Variants in CPLANE1 observed in about 807,000 individuals in gnomAD.
CPLANE1 encodes the protein ciliogenesis and planar polarity effector 1.
CPLANE1 carries 263 observed loss-of-function variants against 362.5 expected under a neutral mutation model. The observed-to-expected ratio is 0.73, with a 90% CI of 0.66 to 0.80. The LOEUF (loss-of-function observed/expected upper bound fraction) is 0.80, where lower values mean the gene tolerates loss of function less well. Among genes scored for constraint, CPLANE1 ranks in the 30% least tolerant of loss-of-function variants. The probability of loss-of-function intolerance (pLI) is 0.00; values close to 1 mark genes in which losing one functional copy is unlikely to be tolerated. For synonymous variants in CPLANE1, 1,212 were observed against 1,302.6 expected (o/e 0.93, Z 1.50); for missense variants, 3,461 against 3,793.4 (o/e 0.91, Z 2.30).
At chr5:37,170,970 T>TA (rs1264056628) in intron 32 of CPLANE1, among the ~76,000 whole-genome samples, 1 of 152,064 alleles carries the variant, frequency 6.6e-6, no homozygotes, top group Non-Finnish European at 1.5e-5. Context: ...AGAATAAGTA[T>TA]ATTTTGGACA....
chr5:37,142,425 T>C lies in CPLANE1; in HGVS notation c.8517A>G (p.Ser2839=). 1 of 1,609,414 alleles carries C rather than the reference T, an allele frequency of 6.2e-7. No homozygotes were observed. Among genetic ancestry groups the C allele is most frequent in the Non-Finnish European group, 8.5e-7 (1 of 1,178,152 alleles). ...TTTCTGTTATTGAAAATTCAGGTTC[T>C]GAAGTCTCCTTTTTGTCACTTTGAT... ...EEDQSDKKET[S]EPEFSITENY... Residue 2839 remains serine, a synonymous_variant, in exon 44 of 53, where the codon TCA becomes TCG. Coordinates refer to ENST00000651892, the MANE Select transcript of CPLANE1 (RefSeq NM_001384732.1).
At chr5:37,185,483 A>G (rs576745272) in intron 24 of CPLANE1, among the ~76,000 whole-genome samples, 27 of 152,292 alleles carry the variant, frequency 1.8e-4, no homozygotes, top group African/African-American at 5.8e-4. Flanking sequence ...AAAATCAAGG[A>G]CATTTTTCTT....
chr5:37,184,096 T>C (rs1232696720), intron 25 of CPLANE1, among the ~76,000 whole-genome samples: 2 of 152,200 alleles, frequency 1.3e-5, no homozygotes, highest in Non-Finnish European at 2.9e-5. Context: ...GGATTTCTTG[T>C]TTCTCTCTTG....
chr5:37,086,403 G>A, the CPLANE1 span, among the ~76,000 whole-genome samples: 1 of 152,192 alleles, frequency 6.6e-6, no homozygotes, highest in African/African-American at 2.4e-5. Context: ...GTTCAGTCAG[G>A]ATGGTGGGGA....
At chr5:37,141,282 T>C (rs1769633339) in intron 44 of CPLANE1, 1 of 985,234 alleles carries the variant, frequency 1.0e-6, no homozygotes, top group African/African-American at 1.7e-5. Context: ...ACTTCTCAGA[T>C]ATAATTAGAA....
chr5:37,126,641 C>T (rs1035226474), intron 46 of CPLANE1, among the ~76,000 whole-genome samples: 8 of 152,272 alleles, frequency 5.3e-5, no homozygotes, highest in African/African-American at 1.4e-4. Context: ...GCTTCTGCTT[C>T]TTGGAGGATC....
intron 43 of CPLANE1, among the ~76,000 whole-genome samples, chr5:37,145,549 G>T (rs188838969): frequency 5.5e-4 from 83 of 152,174 alleles, no homozygotes; most frequent in African/African-American, 2.0e-3. Flanking sequence ...TCCCACCTCA[G>T]CCTCCCAAAT....
intron 20 of CPLANE1, among the ~76,000 whole-genome samples, chr5:37,196,430 TTTG>T (rs1787463339): frequency 6.6e-6 from 1 of 152,140 alleles, no homozygotes; most frequent in African/African-American, 2.4e-5. Context: ...AAAGACACCA[TTTG>T]GCAGCCCCTA....
Position 37,206,423 on chromosome 5 carries a change from G to T in CPLANE1, c.2923C>A (p.Gln975Lys). 6.5e-7 allele frequency: 1 copy of T among 1,541,584 alleles called. No individual in the cohort carries two copies. The highest frequency in any genetic ancestry group is 1.2e-5 in the South Asian group (1 of 83,816). ...VLPPLHIKTE[Q>K]SFRLIPLQHS... ...TGCAGAGGAATAAGTCGAAAGGACTGCTCTGTGAGTAAATTTTTAAAAATG... is the reference window on the plus strand; with the variant it reads ...TGCAGAGGAATAAGTCGAAAGGACTTCTCTGTGAGTAAATTTTTAAAAATG... The change falls in exon 17 of 53, where the codon CAG (glutamine) becomes AAG (lysine). Residue 975 changes from glutamine (Q) to lysine (K), a missense_variant and splice_region_variant. Around this residue, in one of 2 missense-constraint regions of CPLANE1, gnomAD observed 3,380 missense variants for 3,666.1 expected, o/e 0.92. Transcript: ENST00000651892.
In CPLANE1 at chr5:37,183,375, T is replaced by A. The variant is rs766253595; in HGVS notation, c.4806A>T (p.Arg1602=). The change falls in exon 26 of 53, where the codon CGA becomes CGT. Residue 1602 remains arginine (R), a synonymous_variant. Transcript: ENST00000651892. Reference sequence around the variant, plus strand: ...TCTGGCTTTTAGTTTTGCTCTGATGTCGTTTTAATGTTGTATGTACATCAA... The same window carrying A: ...TCTGGCTTTTAGTTTTGCTCTGATGACGTTTTAATGTTGTATGTACATCAA... ...LLFDVHTTLK[R]HQSKTKSQNV... The A allele has an allele frequency of 6.2e-7, 1 of 1,612,684 alleles. No individual in the cohort carries two copies. Among genetic ancestry groups the A allele is most frequent in the Non-Finnish European group, 8.5e-7 (1 of 1,179,606 alleles).
intron 43 of CPLANE1, among the ~76,000 whole-genome samples, chr5:37,142,928 T>C (rs931458265): frequency 8.5e-5 from 13 of 152,188 alleles, no homozygotes; most frequent in African/African-American, 3.1e-4. Context: ...TTCATGTATC[T>C]TAGAGCACTG....
chr5:37,180,405 AG>A (rs1348518239), intron 27 of CPLANE1, among the ~76,000 whole-genome samples: 4 of 152,300 alleles, frequency 2.6e-5, no homozygotes, highest in African/African-American at 9.6e-5. Context: ...ACAGAAGCTC[AG>A]GTAAAGATTG....
intron 27 of CPLANE1, 58 bp from the exon 28 acceptor site, chr5:37,180,241 A>C: frequency 2.5e-6 from 3 of 1,179,236 alleles, no homozygotes; most frequent in South Asian, 4.7e-5. Flanking sequence ...GAGCTAATTC[A>C]GTTTTGGGTT....
chr5:37,171,621 T>C (rs1779800702), intron 32 of CPLANE1, among the ~76,000 whole-genome samples: 1 of 152,144 alleles, frequency 6.6e-6, no homozygotes, highest in South Asian at 2.1e-4. Context: ...AGTTTTCTTT[T>C]AATTATAAAG....
chr5:37,084,640 C>T, the CPLANE1 span, among the ~76,000 whole-genome samples: 125 of 151,918 alleles, frequency 8.2e-4, 2 homozygotes, highest in Middle Eastern at 3.4e-3. Context: ...ATTAGCCAGG[C>T]GTGGTGGCAA....
At chr5:37,188,614 C>G (rs994762232) in intron 21 of CPLANE1, among the ~76,000 whole-genome samples, 3 of 152,126 alleles carry the variant, frequency 2.0e-5, no homozygotes, top group Non-Finnish European at 4.4e-5. Context: ...TGTGAAGATT[C>G]CTTAAAAAAC....
intron 30 of CPLANE1, 149 bp downstream of exon 30, chr5:37,177,472 C>T: frequency 1.6e-6 from 1 of 627,312 alleles, no homozygotes; most frequent in East Asian, 2.7e-5. Flanking sequence ...TACCAAAAAT[C>T]ATTTTACCAT....
intron 35 of CPLANE1, 134 bp from the exon 36 acceptor site, chr5:37,165,805 G>T (rs1439628592): frequency 3.9e-6 from 3 of 769,634 alleles, no homozygotes; most frequent in African/African-American, 3.6e-5. Flanking sequence ...AATTAAATTG[G>T]CAAGATATTC....
In CPLANE1 at chr5:37,153,789, A is replaced by G; in HGVS notation, c.8324T>C (p.Ile2775Thr). The G allele has an allele frequency of 4.3e-6, 7 of 1,614,000 alleles. No individual in the cohort carries two copies. Among genetic ancestry groups the G allele is most frequent in the Non-Finnish European group, 5.9e-6 (7 of 1,179,904 alleles). The change falls in exon 42 of 53, where the codon ATA becomes ACA. Residue 2775 changes from isoleucine (I) to threonine (T), a missense_variant. By Grantham distance (89) the Ile-to-Thr change is moderately conservative. Coordinates refer to ENST00000651892, the MANE Select transcript of CPLANE1 (RefSeq NM_001384732.1). ...TTCAGGCTTGGGGAAATCCTGTTCTATGTTTTCAGCAATGTTCTGTATTGC... is the reference window on the plus strand; with the variant it reads ...TTCAGGCTTGGGGAAATCCTGTTCTGTGTTTTCAGCAATGTTCTGTATTGC... The part of the protein sequence containing the change: ...LLAIQNIAEN[I>T]EQDFPKPEML...
Sources: gnomAD v4.1 joint callset for allele counts (sites outside exome capture counted in the v4.1 genomes callset) on GRCh38, gnomAD v4.1.1 for gene constraint, gnomAD v4.1.1 regional missense constraint, MANE v1.5 for transcripts, NCBI Gene and HGNC (gene_info 2026-07-23, HGNC 2026-07-21) for gene names.